Variants in LMNB1 observed in about 807,000 individuals in gnomAD.
The protein encoded by LMNB1 is lamin B1, also known as lamin-B1.
LMNB1 carries 23 observed loss-of-function variants against 67.1 expected under a neutral mutation model. That is an observed-to-expected ratio of 0.34 (90% CI 0.25 to 0.49). LMNB1 has a LOEUF of 0.49. Among genes scored for constraint, LMNB1 ranks in the 20% least tolerant of loss-of-function variants. The pLI is 0.99. For synonymous variants in LMNB1, 281 were observed against 282.9 expected (o/e 0.99, Z 0.07); for missense variants, 634 against 746.5 (o/e 0.85, Z 1.76).
In LMNB1 at chr5:126,783,246, A is replaced by C. The variant is rs575430956; in HGVS notation, c.359+5379A>C. ...AAAAAACCACAAAAAACAAACCTTCATCATCCTGTGTATTACTATATCTTT... is the reference window on the plus strand; with the variant it reads ...AAAAAACCACAAAAAACAAACCTTCCTCATCCTGTGTATTACTATATCTTT... On this transcript the variant is annotated intron_variant, in intron 1 of 10. Coordinates refer to ENST00000261366, the MANE Select transcript of LMNB1 (RefSeq NM_005573.4). Among the ~76,000 whole-genome samples, 19 of 152,032 alleles carry C rather than the reference A, an allele frequency of 1.2e-4. No homozygotes were observed. The South Asian group carries it at 4.0e-3, about 32-fold the overall frequency.
At position 126,830,533 on chromosome 5, in the gene LMNB1, T is replaced by G. The variant is rs897834041; in HGVS notation, c.1612-2161T>G. ...CGGCTTTCTGTATTAGATTAATTGGTTTTTGCATGTTTTCAAATGAAGAGT... is the reference window on the plus strand; with the variant it reads ...CGGCTTTCTGTATTAGATTAATTGGGTTTTGCATGTTTTCAAATGAAGAGT... On this transcript the variant is annotated intron_variant, in intron 9 of 10. Coordinates refer to ENST00000261366, the MANE Select transcript of LMNB1 (RefSeq NM_005573.4). 2.6e-5 allele frequency among the ~76,000 whole-genome samples: 4 copies of G among 152,334 alleles called. No homozygotes were observed. The South Asian group carries it at 8.3e-4, about 32-fold the overall frequency.
In LMNB1 at chr5:126,832,743, A is replaced by C; in HGVS notation, c.1661A>C (p.Glu554Ala). 6.2e-7 allele frequency: 1 copy of C among 1,601,134 alleles called. No homozygotes were observed. The highest frequency in any genetic ancestry group is 8.5e-7 in the Non-Finnish European group (1 of 1,170,288). The change falls in exon 10 of 11, where the codon GAG becomes GCG. Residue 554 changes from glutamate (E) to alanine (A), a missense_variant. By Grantham distance (107) the Glu-to-Ala change is moderately radical. Transcript: ENST00000261366. ...TVFKTTIPEE[E>A]EEEEEAAGVV... ...TTTAAAACAACCATACCTGAAGAAG[A>C]GGAGGAGGAGGAAGAAGCAGCTGGA...
At chr5:126,810,072 A>T in intron 3 of LMNB1, 108 bp from the exon 4 acceptor site, 1 of 1,003,692 alleles carries the variant, frequency 1.0e-6, no homozygotes, top group Non-Finnish European at 1.5e-6. Flanking sequence ...GAGGACAAAC[A>T]GGAGGAAGTT....
chr5:126,827,489 C>T (rs919926855), intron 9 of LMNB1, among the ~76,000 whole-genome samples: 5 of 151,876 alleles, frequency 3.3e-5, no homozygotes, highest in African/African-American at 4.8e-5. Context: ...GGTGAAACCC[C>T]GTCTCTACTA....
chr5:126,822,125 A>G (rs1751885708), intron 7 of LMNB1, among the ~76,000 whole-genome samples: 1 of 150,824 alleles, frequency 6.6e-6, no homozygotes, highest in Non-Finnish European at 1.5e-5. Flanking sequence ...CCTCCTGAGT[A>G]GCTGGGATTA....
intron 10 of LMNB1, among the ~76,000 whole-genome samples, chr5:126,835,288 A>G (rs548529123): frequency 1.3e-5 from 2 of 152,370 alleles, no homozygotes; most frequent in South Asian, 4.1e-4. Flanking sequence ...ATATTTGAGG[A>G]TGAATCCAAT....
At chr5:126,813,261 C>CTAAA (rs1751623302) in intron 5 of LMNB1, among the ~76,000 whole-genome samples, 1 of 151,970 alleles carries the variant, frequency 6.6e-6, no homozygotes, top group Admixed American at 6.6e-5. Context: ...TATTTTAAAC[C>CTAAA]TATTTTGTGC....
In LMNB1 at chr5:126,820,921, C is replaced by T. The variant is rs757739310; in HGVS notation, c.1172C>T (p.Ser391Phe). The change falls in exon 7 of 11, where the codon TCT (serine) becomes TTT (phenylalanine). Residue 391 changes from serine (S) to phenylalanine (F), a missense_variant. Coordinates refer to ENST00000261366, the MANE Select transcript of LMNB1 (RefSeq NM_005573.4). ...LEGEEERLKL[S>F]PSPSSRVTVS... ...TTTTTCCCATATAGGTTGAAGCTGTCTCCAAGCCCTTCTTCCCGTGTGACA... is the reference window on the plus strand; with the variant it reads ...TTTTTCCCATATAGGTTGAAGCTGTTTCCAAGCCCTTCTTCCCGTGTGACA... The T allele has an allele frequency of 6.2e-7, 1 of 1,613,006 alleles. No individual in the cohort carries two copies. Among genetic ancestry groups the T allele is most frequent in the Non-Finnish European group, 8.5e-7 (1 of 1,179,420 alleles).
chr5:126,815,717 G>T (rs192262186), intron 5 of LMNB1, among the ~76,000 whole-genome samples: 1 of 152,268 alleles, frequency 6.6e-6, no homozygotes, highest in African/African-American at 2.4e-5. Flanking sequence ...AGCCTCATAG[G>T]TAGTTTCAAT....
chr5:126,813,208 T>A (rs1247634746), intron 5 of LMNB1, among the ~76,000 whole-genome samples: 1 of 152,264 alleles, frequency 6.6e-6, no homozygotes, highest in Non-Finnish European at 1.5e-5. Context: ...GCTTTTACAC[T>A]GTCTATCATG....
At chr5:126,821,400 C>T (rs1417368632) in intron 7 of LMNB1, among the ~76,000 whole-genome samples, 1 of 152,114 alleles carries the variant, frequency 6.6e-6, no homozygotes. Context: ...TTCCTTTTAT[C>T]ACAGTGGTTC....
At chr5:126,829,301 T>A (rs1752074104) in intron 9 of LMNB1, among the ~76,000 whole-genome samples, 1 of 151,996 alleles carries the variant, frequency 6.6e-6, no homozygotes, top group Non-Finnish European at 1.5e-5. Context: ...TTGTTTCTCT[T>A]CTGGTTGCCT....
intron 1 of LMNB1, among the ~76,000 whole-genome samples, chr5:126,800,951 C>CTATATATA (rs57113826): frequency 0.01 from 470 of 47,000 alleles, 5 homozygotes; most frequent in Middle Eastern, 0.014. Context: ...TGCAGCCAGA[C>CTATATATA]TATATATATA....
In LMNB1 at chr5:126,777,692, C is replaced by G; in HGVS notation, c.184C>G (p.Leu62Val). 6.5e-7 allele frequency: 1 copy of G among 1,545,404 alleles called. No homozygotes were observed. The highest frequency in any genetic ancestry group is 8.7e-7 in the Non-Finnish European group (1 of 1,144,876). The change falls in exon 1 of 11, where the codon CTG becomes GTG. Residue 62 changes from leucine (L) to valine (V), a missense_variant. Leu to Val is a conservative substitution (Grantham distance 32, BLOSUM62 1). Coordinates refer to ENST00000261366, the MANE Select transcript of LMNB1 (RefSeq NM_005573.4). The stretch of plus-strand genomic sequence containing the variant: ...GGAGACGGAGAACAGCGCGCTGCAG[C>G]TGCAGGTGACGGAGCGCGAGGAGGT... Reference protein sequence around the residue: ...SLETENSALQLQVTEREEVRG... With the variant: ...SLETENSALQVQVTEREEVRG...
chr5:126,824,000 T>G (rs1162381562), intron 8 of LMNB1, among the ~76,000 whole-genome samples: 1 of 152,222 alleles, frequency 6.6e-6, no homozygotes, highest in Non-Finnish European at 1.5e-5. Flanking sequence ...GGAAGCCTTA[T>G]GCCAATCATG....
intron 1 of LMNB1, among the ~76,000 whole-genome samples, chr5:126,782,140 C>T (rs572797094): frequency 6.6e-5 from 10 of 152,086 alleles, no homozygotes; most frequent in Non-Finnish European, 1.0e-4. Flanking sequence ...GTTAACTATA[C>T]GGGAAAACTA....
In LMNB1 at chr5:126,777,557, G is replaced by C; in HGVS notation, c.49G>C (p.Gly17Arg). 2 of 1,454,668 alleles carry C rather than the reference G, an allele frequency of 1.4e-6. No homozygotes were observed. The highest frequency in any genetic ancestry group is 1.8e-6 in the Non-Finnish European group (2 of 1,099,246). 90.1% of individuals were successfully genotyped at this position (1,454,668 alleles called of 1,614,324 possible). ...GCCGCGGATGGGCAGCCGCGCTGGC[G>C]GCCCCACCACGCCGCTGAGCCCCAC... ...VPPRMGSRAG[G>R]PTTPLSPTRL... Residue 17 changes from glycine (G) to arginine (R), a missense_variant, in exon 1 of 11, where the codon GGC becomes CGC. By Grantham distance (125) the Gly-to-Arg change is moderately radical. Coordinates refer to ENST00000261366, the MANE Select transcript of LMNB1 (RefSeq NM_005573.4).
chr5:126,793,492 C>T (rs965951630), intron 1 of LMNB1, among the ~76,000 whole-genome samples: 49 of 152,246 alleles, frequency 3.2e-4, no homozygotes, highest in African/African-American at 9.9e-4. Context: ...TTATTGGCAC[C>T]GGAAACTATC....
intron 1 of LMNB1, among the ~76,000 whole-genome samples, chr5:126,798,784 T>TGTGTGTGTGTGC (rs201855609): frequency 7.9e-5 from 12 of 151,536 alleles, no homozygotes; most frequent in South Asian, 6.2e-4. Context: ...TGTGTGTGTG[T>TGTGTGTGTGTGC]GCGTGTGCTT....
Sources: allele counts gnomAD v4.1 joint callset (sites outside exome capture counted in the v4.1 genomes callset), GRCh38; gene constraint gnomAD v4.1.1; transcripts MANE v1.5; gene names NCBI Gene and HGNC (gene_info 2026-07-23, HGNC 2026-07-21).